Variants in SOS2 observed in about 807,000 individuals in gnomAD.
The protein encoded by SOS2 is SOS Ras/Rho guanine nucleotide exchange factor 2, also known as son of sevenless homolog 2.
A neutral mutation model predicts 148.2 loss-of-function variants in SOS2; 65 were observed. The observed-to-expected ratio is 0.44, with a 90% CI of 0.36 to 0.54. SOS2 has a LOEUF of 0.54. Ranked by LOEUF, SOS2 falls within the 20% of genes least tolerant of loss-of-function variation. SOS2 has a pLI of 0.00. For synonymous variants in SOS2, 539 were observed against 537.1 expected (o/e 1.00, Z -0.05); for missense variants, 1,341 against 1,590.2 (o/e 0.84, Z 2.67).
rs1883323246 is a variant in SOS2, at chr14:50,117,488, T to G, written c.*856A>C. ...GGTTCCTATGCCATAGAATTTTTTT[T>G]GAATTTATGAATTAGTAAAGTAGCA... is the stretch of plus-strand genomic sequence containing the variant. On this transcript the variant is annotated 3_prime_UTR_variant, in exon 23 of 23. Transcript: ENST00000216373. 1 of 152,260 alleles carries G rather than the reference T, an allele frequency of 6.6e-6. No homozygotes were observed. Among genetic ancestry groups the G allele is most frequent in the African/African-American group, 2.4e-5 (1 of 41,464 alleles). The allele number at this position is 152,260 out of a possible 1,614,324, so 9.4% of individuals were successfully genotyped here. A position where few individuals can be genotyped will look rare whatever the true frequency, so the allele number is the denominator to read the frequency against.
At chr14:50,179,022 G>A (rs555153620) in intron 7 of SOS2, among the ~76,000 whole-genome samples, 1 of 152,226 alleles carries the variant, frequency 6.6e-6, no homozygotes, top group Non-Finnish European at 1.5e-5. Context: ...TTACAGGCAT[G>A]AGACATCACG....
chr14:50,124,400 T>A (rs972339052), intron 21 of SOS2, among the ~76,000 whole-genome samples: 1 of 152,182 alleles, frequency 6.6e-6, no homozygotes, highest in Admixed American at 6.5e-5. Flanking sequence ...GTATTTTGTA[T>A]AAATAAAAGG....
rs966907268 is a variant in SOS2 at position 50,159,468 on chromosome 14, C to A, written c.1815G>T (p.Val605=). The change falls in exon 10 of 23, where the codon GTG becomes GTT. Residue 605 remains valine (V), a synonymous_variant. Transcript: ENST00000216373. ...GATATGTTAACCTTTCAATTAATTT[C>A]ACTACAGTTCCTCCTTTAATAATGG... ...GIPIIKGGTV[V]KLIERLTYHM... is the part of the protein sequence containing the mutation. The A allele has an allele frequency of 1.2e-6, 2 of 1,611,844 alleles. No homozygotes were observed. The highest frequency in any genetic ancestry group is 1.7e-6 in the Non-Finnish European group (2 of 1,178,474).
At position 50,157,215 on chromosome 14, in the gene SOS2, C is replaced by T. The variant is rs577283133; in HGVS notation, c.1935-94G>A. 2,760 of 1,404,616 alleles carry T rather than the reference C, an allele frequency of 2.0e-3. 8 individuals carry two copies. Among genetic ancestry groups the T allele is most frequent in the Non-Finnish European group, 2.1e-3 (2,185 of 1,041,522 alleles). 87.0% of individuals were successfully genotyped at this position (1,404,616 alleles called of 1,614,324 possible). On this transcript the variant is annotated intron_variant, in intron 11 of 22. Transcript: ENST00000216373. ...GCAACCTTCTTTCCTACCACTTCCACGAAAAGTGGATTACTGTTAAACTTC... is the reference window on the plus strand; with the variant it reads ...GCAACCTTCTTTCCTACCACTTCCATGAAAAGTGGATTACTGTTAAACTTC...
chr14:50,224,923 G>A (rs1385128346), intron 1 of SOS2, among the ~76,000 whole-genome samples: 1 of 145,456 alleles, frequency 6.9e-6, no homozygotes, highest in African/African-American at 2.5e-5. Flanking sequence ...AATAGTGTTT[G>A]AGTTTACAAA....
At chr14:50,229,455 G>A (rs1045342933) in intron 1 of SOS2, among the ~76,000 whole-genome samples, 1 of 150,356 alleles carries the variant, frequency 6.7e-6, no homozygotes, top group Non-Finnish European at 1.5e-5. Context: ...TAGCACCAAA[G>A]CAATGGACTA....
rs575464245 is a variant in SOS2 at position 50,202,238 on chromosome 14, A to G, written c.214-1154T>C. Reference sequence around the variant, plus strand: ...CTCAACTTCCCAAAGTGCTGGGATTACAAGTGTGAGCCACTGCACCTAGGC... The same window carrying G: ...CTCAACTTCCCAAAGTGCTGGGATTGCAAGTGTGAGCCACTGCACCTAGGC... On this transcript the variant is annotated intron_variant, in intron 2 of 22. Transcript: ENST00000216373. 3.9e-5 allele frequency among the ~76,000 whole-genome samples: 6 copies of G among 152,308 alleles called. No homozygotes were observed. The South Asian group carries it at 1.2e-3, about 32-fold the overall frequency.
chr14:50,216,576 T>C (rs999729856), intron 1 of SOS2, among the ~76,000 whole-genome samples: 10 of 151,702 alleles, frequency 6.6e-5, no homozygotes, highest in African/African-American at 2.4e-4. Context: ...CTGGCCAACA[T>C]GGTGAAACCC....
intron 14 of SOS2, among the ~76,000 whole-genome samples, chr14:50,149,618 C>A (rs934143469): frequency 1.3e-5 from 2 of 152,194 alleles, no homozygotes; most frequent in Non-Finnish European, 2.9e-5. Flanking sequence ...CCCTTCGCAA[C>A]AGCCTGAGCT....
At chr14:50,204,073 T>C (rs1030433424) in intron 2 of SOS2, among the ~76,000 whole-genome samples, 2 of 152,054 alleles carry the variant, frequency 1.3e-5, no homozygotes, top group African/African-American at 4.8e-5. Flanking sequence ...CCCTCATAAA[T>C]GTACCCAGTT....
chr14:50,126,606 A>G (rs1018056395), intron 21 of SOS2, among the ~76,000 whole-genome samples: 1 of 152,196 alleles, frequency 6.6e-6, no homozygotes, highest in Admixed American at 6.5e-5. Flanking sequence ...AGGTAACTGA[A>G]AAGAATTCTT....
At chr14:50,169,388 A>G (rs952104796) in intron 8 of SOS2, among the ~76,000 whole-genome samples, 2 of 151,184 alleles carry the variant, frequency 1.3e-5, no homozygotes, top group African/African-American at 4.9e-5. Flanking sequence ...CAATCCCAGC[A>G]CTTTGGGAGG....
rs1164424709 is a variant in SOS2 at position 50,129,993 on chromosome 14, C to A, written c.3347G>T (p.Ser1116Ile). Residue 1116 changes from serine (S) to isoleucine (I), a missense_variant, in exon 21 of 23, where the codon AGC becomes ATC. Ser to Ile is a moderately radical substitution (Grantham distance 142). Around this residue, in one of 4 missense-constraint regions of SOS2, gnomAD observed 354 missense variants for 347.7 expected, o/e 1.02. Coordinates refer to ENST00000216373, the MANE Select transcript of SOS2 (RefSeq NM_006939.4). ...TGGCAAAAGCACTGGAGCAAAGATG[C>A]TATTGCTGCCTATTGGAATAAGAAA... The part of the protein sequence containing the change: ...VDLNSSCGSN[S>I]IFAPVLLPHS... 2 of 1,586,202 alleles carry A rather than the reference C, an allele frequency of 1.3e-6. No individual in the cohort carries two copies. Among genetic ancestry groups the A allele is most frequent in the Non-Finnish European group, 1.7e-6 (2 of 1,159,032 alleles).
chr14:50,130,826 T>C, intron 19 of SOS2, 64 bp from the exon 20 acceptor site: 2 of 1,403,964 alleles, frequency 1.4e-6, no homozygotes, highest in Non-Finnish European at 2.0e-6. Flanking sequence ...TTCTGTGACT[T>C]AGAGCTACCT....
chr14:50,160,927 C>T (rs1280770877), intron 9 of SOS2, among the ~76,000 whole-genome samples: 1 of 152,106 alleles, frequency 6.6e-6, no homozygotes. Context: ...AGGAGGACTG[C>T]TTGAGCCCAG....
chr14:50,150,805 C>T (rs1351077858), intron 13 of SOS2, among the ~76,000 whole-genome samples: 1 of 152,020 alleles, frequency 6.6e-6, no homozygotes, highest in African/African-American at 2.4e-5. Flanking sequence ...TCACTGCAAC[C>T]TCCACCTCCC....
chr14:50,120,218 G>A (rs1402463688), intron 22 of SOS2, 57 bp downstream of exon 22: 1 of 781,716 alleles, frequency 1.3e-6, no homozygotes, highest in Non-Finnish European at 2.2e-6. Context: ...ATAACACTAG[G>A]CATTATTTTG....
intron 1 of SOS2, among the ~76,000 whole-genome samples, chr14:50,218,051 A>G (rs533489531): frequency 1.3e-5 from 2 of 151,436 alleles, no homozygotes; most frequent in East Asian, 3.9e-4. Context: ...TAGTCCCAGA[A>G]CTTTGGGAGG....
At chr14:50,197,784 G>A (rs1024156669) in intron 4 of SOS2, among the ~76,000 whole-genome samples, 1 of 150,702 alleles carries the variant, frequency 6.6e-6, no homozygotes, top group Non-Finnish European at 1.5e-5. Flanking sequence ...TACCTCCTGG[G>A]TTCAAATGAT....
Sources: allele counts gnomAD v4.1 joint callset (sites outside exome capture counted in the v4.1 genomes callset), GRCh38; gene constraint gnomAD v4.1.1; regional missense constraint gnomAD v4.1.1; transcripts MANE v1.5; gene names NCBI Gene and HGNC (gene_info 2026-07-23, HGNC 2026-07-21).